The following TRPA1 variants were observed in gnomAD, a reference collection of about 807,000 sequenced individuals.
The protein encoded by TRPA1 is ankyrin-like with transmembrane domains 1.
In TRPA1, 129 loss-of-function variants were observed where a neutral mutation model predicts 131.3. That is an observed-to-expected ratio of 0.98 (90% CI 0.85 to 1.14). The LOEUF is 1.14. TRPA1 is among the 50% of genes most tolerant of loss of function. The pLI, the probability that TRPA1 is intolerant of heterozygous loss-of-function variation, is 0.00. For missense variants in TRPA1, 1,304 were observed against 1,354.2 expected, an observed-to-expected ratio of 0.96 and a Z score of 0.58; for synonymous variants, 441 against 451.7, an observed-to-expected ratio of 0.98 and a Z score of 0.30.
In TRPA1 at chr8:72,059,530, T is replaced by C; in HGVS notation, c.945-92A>G. 4.0e-6 allele frequency: 3 copies of C among 756,276 alleles called. No individual in the cohort carries two copies. In the South Asian group the frequency reaches 5.7e-5, roughly 14 times the overall value. 46.8% of individuals were successfully genotyped at this position (756,276 alleles called of 1,614,324 possible). A position where few individuals can be genotyped will look rare whatever the true frequency, so the allele number is the denominator to read the frequency against. Reference sequence around the variant, plus strand: ...AAGCTACTATATTCGGAAAGTGAATTTAACTAATCATAAAATAACATGATA... The same window carrying C: ...AAGCTACTATATTCGGAAAGTGAATCTAACTAATCATAAAATAACATGATA... On this transcript the variant is annotated intron_variant, in intron 7 of 26. Transcript: ENST00000262209.
At chr8:72,029,223 A>G (rs1396455314) in intron 24 of TRPA1, among the ~76,000 whole-genome samples, 1 of 152,138 alleles carries the variant, frequency 6.6e-6, no homozygotes, top group Non-Finnish European at 1.5e-5. Context: ...TGCTGTGGGG[A>G]CCCTGTGATT....
chr8:72,060,757 A>G (rs937487191), intron 7 of TRPA1, among the ~76,000 whole-genome samples: 3 of 151,942 alleles, frequency 2.0e-5, no homozygotes, highest in African/African-American at 7.2e-5. Context: ...TTGCAAATTC[A>G]TTCTAAGAGG....
intron 24 of TRPA1, among the ~76,000 whole-genome samples, chr8:72,026,880 T>C (rs1415820823): frequency 6.6e-6 from 1 of 152,098 alleles, no homozygotes; most frequent in Non-Finnish European, 1.5e-5. Flanking sequence ...AGTGAAATGG[T>C]AAGAACTTTC....
intron 23 of TRPA1, among the ~76,000 whole-genome samples, chr8:72,032,410 T>C (rs946530941): frequency 6.6e-6 from 1 of 152,160 alleles, no homozygotes; most frequent in Admixed American, 6.5e-5. Flanking sequence ...CAAAGAATTA[T>C]TGAAAGAACT....
chr8:72,070,265 T>C (rs773636852), intron 2 of TRPA1, among the ~76,000 whole-genome samples: 13 of 152,166 alleles, frequency 8.5e-5, no homozygotes, highest in Non-Finnish European at 1.0e-4. Flanking sequence ...GTTTCTCTCC[T>C]TTTTAAAATG....
Position 72,023,084 on chromosome 8 carries a change from T to C in TRPA1, c.3182A>G (p.Gln1061Arg), listed in dbSNP as rs1347355329. 6.2e-7 allele frequency: 1 copy of C among 1,613,574 alleles called. No individual in the cohort carries two copies. Among genetic ancestry groups the C allele is most frequent in the South Asian group, 1.1e-5 (1 of 91,078 alleles). Residue 1061 changes from glutamine (Q) to arginine (R), a missense_variant, in exon 27 of 27, where the codon CAG becomes CGG. Physicochemically the swap from Gln to Arg is conservative, Grantham distance 43 (BLOSUM62 1). Coordinates refer to ENST00000262209, the MANE Select transcript of TRPA1 (RefSeq NM_007332.3). ...AATGATCAGTTTAATGAGCTCATGC[T>C]GTTTTTCCAGGAGAAAAGTAAGATC... ...LKDLTFLLEK[Q>R]HELIKLIIQK... is the part of the protein sequence containing the mutation.
intron 17 of TRPA1, among the ~76,000 whole-genome samples, chr8:72,041,999 C>T (rs62519224): frequency 0.032 from 4,824 of 151,746 alleles, 114 homozygotes; most frequent in Non-Finnish European, 0.047. Context: ...GATGATTTAT[C>T]GACTATGACA....
chr8:72,042,420 T>C (rs778613816), intron 17 of TRPA1, among the ~76,000 whole-genome samples: 42 of 151,874 alleles, frequency 2.8e-4, no homozygotes, highest in Non-Finnish European at 5.5e-4. Flanking sequence ...ATAACAAGTA[T>C]TGGTGAGCAT....
rs61753709 is a variant in TRPA1 at position 72,050,805 on chromosome 8, C to T, written c.1878G>A (p.Met626Ile). ...SPGNKCPITEMIEYLPECMKV... is the reference protein window; with the variant it reads ...SPGNKCPITEIIEYLPECMKV... ...TCATGCATTCAGGGAGGTATTCTAT[C>T]ATTTCTGTAATTGGACATTTATTGC... Residue 626 changes from methionine (M) to isoleucine (I), a missense_variant, in exon 15 of 27, where the codon ATG (methionine) becomes ATA (isoleucine). Coordinates refer to ENST00000262209, the MANE Select transcript of TRPA1 (RefSeq NM_007332.3). 5,920 of 1,611,682 alleles carry T rather than the reference C, an allele frequency of 3.7e-3. 26 individuals carry two copies. Among genetic ancestry groups the T allele is most frequent in the Non-Finnish European group, 4.6e-3 (5,460 of 1,178,666 alleles).
upstream of TRPA1, among the ~76,000 whole-genome samples, chr8:72,080,262 A>G (rs1203292789): frequency 6.6e-6 from 1 of 151,856 alleles, no homozygotes; most frequent in East Asian, 1.9e-4. Context: ...ATTAAATATG[A>G]CATTAAAGTA....
chr8:72,084,785 G>A, the TRPA1 span, among the ~76,000 whole-genome samples: 3 of 150,870 alleles, frequency 2.0e-5, no homozygotes, highest in African/African-American at 7.3e-5. Context: ...CTGAGTAACT[G>A]GGATTACAGG....
chr8:72,081,469 T>A, the TRPA1 span, among the ~76,000 whole-genome samples: 5,837 of 151,916 alleles, frequency 0.038, 379 homozygotes, highest in African/African-American at 0.13. Context: ...AATAATGTAT[T>A]TTCTGCTATC....
intron 2 of TRPA1, 21 bp downstream of exon 2, chr8:72,071,690 T>C (rs1806064024): frequency 3.1e-6 from 5 of 1,612,810 alleles, no homozygotes; most frequent in Non-Finnish European, 3.4e-6. Context: ...TTCTGGAAGA[T>C]GAATTGTAAT....
Position 72,062,855 on chromosome 8 carries a change from C to T in TRPA1, c.751G>A (p.Asp251Asn). 6.2e-7 allele frequency: 1 copy of T among 1,613,978 alleles called. No individual in the cohort carries two copies. Among genetic ancestry groups the T allele is most frequent in the Non-Finnish European group, 8.5e-7 (1 of 1,179,964 alleles). ...AGGCACATTTTGATCATTTCCAAGTCACCATTTTGCACAGCCAGGTGGAGA... is the reference window on the plus strand; with the variant it reads ...AGGCACATTTTGATCATTTCCAAGTTACCATTTTGCACAGCCAGGTGGAGA... ...TPLHLAVQNG[D>N]LEMIKMCLDN... Residue 251 changes from aspartate (D) to asparagine (N), a missense_variant, in exon 6 of 27, where the codon GAC becomes AAC. Transcript: ENST00000262209.
chr8:72,062,583 T>C lies in TRPA1; in HGVS notation c.807+216A>G, dbSNP rs893321418. On this transcript the variant is annotated intron_variant, in intron 6 of 26. Transcript: ENST00000262209. ...CTAGATATATAGTCTTTGTTGTATC[T>C]ATATTTGTGTCTGCAATTGTTTTGG... 2.0e-5 allele frequency among the ~76,000 whole-genome samples: 3 copies of C among 152,202 alleles called. No homozygotes were observed. The South Asian group carries it at 6.2e-4, about 32-fold the overall frequency.
chr8:72,050,897 A>C, intron 14 of TRPA1, 26 bp from the exon 15 acceptor site: 1 of 1,475,442 alleles, frequency 6.8e-7, no homozygotes. Context: ...AAGTAAGATA[A>C]GCACAGGTCT....
chr8:72,027,901 T>A (rs950665067), intron 24 of TRPA1, among the ~76,000 whole-genome samples: 2 of 152,214 alleles, frequency 1.3e-5, no homozygotes, highest in African/African-American at 4.8e-5. Flanking sequence ...GGGAGCATAG[T>A]AAACAATATA....
intron 2 of TRPA1, among the ~76,000 whole-genome samples, chr8:72,071,133 C>T (rs1806049495): frequency 6.6e-6 from 1 of 152,208 alleles, no homozygotes; most frequent in Non-Finnish European, 1.5e-5. Flanking sequence ...AACTCTTATC[C>T]TCTCTTTACT....
intron 24 of TRPA1, among the ~76,000 whole-genome samples, chr8:72,029,459 A>G (rs1181174375): frequency 2.0e-5 from 3 of 152,224 alleles, no homozygotes; most frequent in African/African-American, 7.2e-5. Context: ...GTGACTCCTC[A>G]GGATTAAGAA....
Sources: allele counts gnomAD v4.1 joint callset (sites outside exome capture counted in the v4.1 genomes callset), GRCh38; gene constraint gnomAD v4.1.1; transcripts MANE v1.5; gene names NCBI Gene and HGNC (gene_info 2026-07-23, HGNC 2026-07-21).